The following DPP6 variants were observed in gnomAD, a reference collection of about 807,000 sequenced individuals.
DPP6 encodes dipeptidyl peptidase like 6.
DPP6 carries 69 observed loss-of-function variants against 122.6 expected under a neutral mutation model. The observed-to-expected ratio is 0.56, with a 90% CI of 0.46 to 0.69. DPP6 has a LOEUF of 0.69. Among genes scored for constraint, DPP6 ranks in the 30% least tolerant of loss-of-function variants. DPP6 has a pLI of 0.00. For missense variants in DPP6, 928 were observed against 1,116.9 expected, an observed-to-expected ratio of 0.83 and a Z score of 2.41; for synonymous variants, 418 against 433.1, an observed-to-expected ratio of 0.97 and a Z score of 0.43.
intron 18 of DPP6, among the ~76,000 whole-genome samples, chr7:154,868,742 A>T (rs1488446599): frequency 3.3e-5 from 5 of 152,252 alleles, no homozygotes; most frequent in Non-Finnish European, 7.3e-5. Flanking sequence ...ACCTCCGCAC[A>T]GATGGCTCCC....
chr7:154,717,402 G>T (rs113457215), intron 7 of DPP6, among the ~76,000 whole-genome samples: 1 of 150,162 alleles, frequency 6.7e-6, no homozygotes, highest in East Asian at 1.9e-4. Flanking sequence ...ACACACACAC[G>T]CACCCTTCCC....
intron 1 of DPP6, among the ~76,000 whole-genome samples, chr7:153,940,851 G>A (rs145213958): frequency 3.9e-5 from 6 of 152,216 alleles, no homozygotes; most frequent in South Asian, 4.1e-4. Flanking sequence ...AAGCATATGC[G>A]CAGCTTCAAG....
chr7:153,950,920 T>G (rs1802180891), intron 1 of DPP6, among the ~76,000 whole-genome samples: 1 of 152,070 alleles, frequency 6.6e-6, no homozygotes, highest in Admixed American at 6.6e-5. Flanking sequence ...CACGTAGGTG[T>G]GCGTGCGGTG....
rs1193275951 is a variant in DPP6, at chr7:154,877,653, G to GAGGAAACCACTTTT, written c.2078+1556_2078+1569dup. Among the ~76,000 whole-genome samples the GAGGAAACCACTTTT allele has an allele frequency of 5.3e-5, 8 of 152,246 alleles. No individual in the cohort carries two copies. The highest frequency in any genetic ancestry group is 5.2e-4 in the Admixed American group (8 of 15,294). On this transcript the variant is annotated intron_variant, in intron 20 of 25. Transcript: ENST00000377770. The surrounding 1 kb of genome is among the most constrained non-coding windows in gnomAD (Gnocchi z 5.2). ...CGTCATCTACCTCCAGCAGGTTGGG[G>GAGGAAACCACTTTT]AGGAAACCACTTTTAGAAACTTCCA...
the DPP6 span, among the ~76,000 whole-genome samples, chr7:153,828,424 A>C: frequency 6.6e-6 from 1 of 152,198 alleles, no homozygotes; most frequent in Non-Finnish European, 1.5e-5. Flanking sequence ...AAGGGTGGGC[A>C]CCTGGGACCC....
chr7:154,421,321 T>C (rs1432651478), intron 1 of DPP6, among the ~76,000 whole-genome samples: 1 of 152,004 alleles, frequency 6.6e-6, no homozygotes, highest in African/African-American at 2.4e-5. Context: ...GTTTCTTTTT[T>C]TTTTTTTTTC....
chr7:154,521,500 A>C (rs1460990231), intron 3 of DPP6, among the ~76,000 whole-genome samples: 2 of 152,198 alleles, frequency 1.3e-5, no homozygotes, highest in Admixed American at 1.3e-4. Context: ...GTTAAGGCAC[A>C]TAAAAATTGA....
intron 1 of DPP6, among the ~76,000 whole-genome samples, chr7:154,255,418 C>T (rs1463755255): frequency 6.6e-6 from 1 of 152,180 alleles, no homozygotes; most frequent in Non-Finnish European, 1.5e-5. Context: ...GGAGAGGAAG[C>T]GCCAGTGAAA....
chr7:154,886,226 C>T (rs1025099241), intron 22 of DPP6, among the ~76,000 whole-genome samples: 3 of 152,222 alleles, frequency 2.0e-5, no homozygotes, highest in Admixed American at 6.5e-5. Context: ...AGCAATTCAA[C>T]GAGGTCCACG....
At chr7:153,767,088 C>T in the DPP6 span, among the ~76,000 whole-genome samples, 2 of 148,512 alleles carry the variant, frequency 1.3e-5, no homozygotes, top group African/African-American at 2.5e-5. Context: ...GTCACTATAA[C>T]ATTTACTAGC....
At chr7:154,284,581 G>C (rs567023851) in intron 1 of DPP6, among the ~76,000 whole-genome samples, 4 of 152,238 alleles carry the variant, frequency 2.6e-5, no homozygotes, top group Non-Finnish European at 5.9e-5. Flanking sequence ...GAGACTGGGC[G>C]CGTTGGCTTA....
chr7:154,085,803 C>T (rs1804366607), intron 1 of DPP6, among the ~76,000 whole-genome samples: 1 of 152,228 alleles, frequency 6.6e-6, no homozygotes, highest in Non-Finnish European at 1.5e-5. Flanking sequence ...TCTTGGCTCA[C>T]TGCAACCTCT....
intron 5 of DPP6, among the ~76,000 whole-genome samples, chr7:154,620,992 A>G (rs1834610981): frequency 6.6e-6 from 1 of 152,234 alleles, no homozygotes; most frequent in Non-Finnish European, 1.5e-5. Context: ...TTCTAAGACT[A>G]CAAGAACTGT....
At chr7:154,786,790 G>A (rs923728727) in intron 10 of DPP6, among the ~76,000 whole-genome samples, 1 of 152,128 alleles carries the variant, frequency 6.6e-6, no homozygotes, top group African/African-American at 2.4e-5. Context: ...ATATCTATGT[G>A]TGTGTTTTCT....
At chr7:154,383,814 C>G (rs775319597) in intron 1 of DPP6, among the ~76,000 whole-genome samples, 5 of 143,334 alleles carry the variant, frequency 3.5e-5, no homozygotes, top group Non-Finnish European at 6.0e-5. Context: ...CGCTTGAGCC[C>G]AGGAGGCAGA....
In DPP6 at chr7:154,776,709, C is replaced by T. The variant is rs532462097; in HGVS notation, c.1136+3767C>T. 2.6e-5 allele frequency among the ~76,000 whole-genome samples: 4 copies of T among 152,302 alleles called. No individual in the cohort carries two copies. In the East Asian group the frequency reaches 7.7e-4, roughly 29 times the overall value. ...GGATTCTTGAAGCTTGAGATATCTTCAGTTGTGCTGGTACCTTTCTAAGAA... is the reference window on the plus strand; with the variant it reads ...GGATTCTTGAAGCTTGAGATATCTTTAGTTGTGCTGGTACCTTTCTAAGAA... On this transcript the variant is annotated intron_variant, in intron 10 of 25. Transcript: ENST00000377770.
At chr7:154,088,818 C>T (rs545270851) in intron 1 of DPP6, among the ~76,000 whole-genome samples, 13 of 152,292 alleles carry the variant, frequency 8.5e-5, no homozygotes, top group South Asian at 2.1e-4. Flanking sequence ...CTCTGATATA[C>T]GGTAGCCTCT....
chr7:154,702,990 C>T (rs946327584), intron 7 of DPP6, among the ~76,000 whole-genome samples: 1 of 152,182 alleles, frequency 6.6e-6, no homozygotes, highest in Non-Finnish European at 1.5e-5. Context: ...GGAGCCAGTG[C>T]TCATTTACCA....
intron 1 of DPP6, among the ~76,000 whole-genome samples, chr7:154,107,360 C>G (rs1034718828): frequency 2.0e-5 from 3 of 152,102 alleles, no homozygotes; most frequent in African/African-American, 7.2e-5. Flanking sequence ...CACATTATGT[C>G]ACTTGTGTAG....
Sources: allele counts gnomAD v4.1 joint callset (sites outside exome capture counted in the v4.1 genomes callset), GRCh38; gene constraint gnomAD v4.1.1; non-coding constraint Gnocchi (gnomAD v3.1); transcripts MANE v1.5; gene names NCBI Gene and HGNC (gene_info 2026-07-23, HGNC 2026-07-21).